The following SERINC5 variants were observed in gnomAD, a reference collection of about 807,000 sequenced individuals.
SERINC5 encodes the protein serine incorporator 5, also known as chromosome 5 open reading frame 12.
A neutral mutation model predicts 63.1 loss-of-function variants in SERINC5; 41 were observed. The observed-to-expected ratio is 0.65, with a 90% CI of 0.51 to 0.84. The LOEUF (loss-of-function observed/expected upper bound fraction) is 0.84, where lower values mean the gene tolerates loss of function less well. SERINC5 is among the 40% of genes least tolerant of loss of function. The pLI is 0.00. For missense variants in SERINC5, 523 were observed against 573.0 expected, an observed-to-expected ratio of 0.91 and a Z score of 0.89; for synonymous variants, 222 against 215.2, an observed-to-expected ratio of 1.03 and a Z score of -0.28.
intron 1 of SERINC5, among the ~76,000 whole-genome samples, chr5:80,221,601 G>GT (rs1750909871): frequency 6.6e-6 from 1 of 152,048 alleles, no homozygotes; most frequent in Admixed American, 6.6e-5. Context: ...TGTTTTCAAG[G>GT]TTTAACATTA....
At chr5:80,252,463 T>C (rs761952921) in intron 1 of SERINC5, among the ~76,000 whole-genome samples, 22 of 152,186 alleles carry the variant, frequency 1.4e-4, no homozygotes, top group Non-Finnish European at 2.1e-4. Flanking sequence ...ACCGTGTCTC[T>C]AGGGGCCTAG....
chr5:80,155,381 A>G (rs1176230225), intron 8 of SERINC5, among the ~76,000 whole-genome samples: 1 of 152,168 alleles, frequency 6.6e-6, no homozygotes, highest in African/African-American at 2.4e-5. Context: ...CCTGACCAAC[A>G]TGGTGAAACC....
intron 1 of SERINC5, among the ~76,000 whole-genome samples, chr5:80,207,464 A>G (rs1421659659): frequency 6.6e-6 from 1 of 152,240 alleles, no homozygotes; most frequent in East Asian, 1.9e-4. Context: ...ATAAACAGAT[A>G]CAAACATCAC....
intron 7 of SERINC5, among the ~76,000 whole-genome samples, chr5:80,165,071 C>T (rs770971361): frequency 3.3e-5 from 5 of 151,258 alleles, no homozygotes; most frequent in Admixed American, 6.6e-5. Context: ...GGGATACCTG[C>T]CATTTAAAAA....
At chr5:80,113,415 T>C (rs1388752815) in intron 12 of SERINC5, among the ~76,000 whole-genome samples, 2 of 152,172 alleles carry the variant, frequency 1.3e-5, no homozygotes, top group African/African-American at 4.8e-5. Flanking sequence ...GCCATTCATG[T>C]TTCTTCTGTG....
intron 11 of SERINC5, among the ~76,000 whole-genome samples, chr5:80,125,890 G>GA (rs1046416565): frequency 2.6e-5 from 4 of 152,274 alleles, no homozygotes; most frequent in Middle Eastern, 3.4e-3. Context: ...AAGCAAGATC[G>GA]AGAGAGAAAT....
chr5:80,243,508 G>C (rs921365780), intron 1 of SERINC5, among the ~76,000 whole-genome samples: 10 of 151,934 alleles, frequency 6.6e-5, no homozygotes, highest in African/African-American at 2.4e-4. Flanking sequence ...ACACTGAAGA[G>C]GGGCATTAAA....
intron 1 of SERINC5, among the ~76,000 whole-genome samples, chr5:80,231,203 C>T (rs34765704): frequency 0.07 from 10,597 of 152,142 alleles, 492 homozygotes; most frequent in East Asian, 0.16. Context: ...CTATAGAAAA[C>T]CCAATCAAAA....
At chr5:80,179,999 CTTTTCTCAAGTTTATGGCCATCTGTTTT>C (rs528186571) in intron 2 of SERINC5, among the ~76,000 whole-genome samples, 18 of 152,236 alleles carry the variant, frequency 1.2e-4, no homozygotes, top group Non-Finnish European at 2.2e-4. Context: ...GATTCAGCAT[CTTTTCTCAAGTTTATGGCCATCTGTTTT>C]TTTTCTCTGA....
In SERINC5 at chr5:80,139,596, A is replaced by AAGAGAGAGAGGGAG. The variant is rs1554058830; in HGVS notation, c.*4066_*4067insCTCCCTCTCTCTCT. 1 of 892,000 alleles carries AAGAGAGAGAGGGAG rather than the reference A, an allele frequency of 1.1e-6. No homozygotes were observed. The highest frequency in any genetic ancestry group is 1.3e-6 in the Non-Finnish European group (1 of 747,556). 55.3% of individuals were successfully genotyped at this position (892,000 alleles called of 1,614,324 possible). On this transcript the variant is annotated 3_prime_UTR_variant, in exon 12 of 12. Transcript: ENST00000507668. Reference sequence around the variant, plus strand: ...TGAAAGAGTTGTTGAGAAAGAAGAAAAGAGAGAGAGAGAGAAAGGTCTAAA... The same window carrying AAGAGAGAGAGGGAG: ...TGAAAGAGTTGTTGAGAAAGAAGAAAAGAGAGAGAGGGAGAGAGAGAGAGAGAGAAAGGTCTAAA...
At position 80,139,875 on chromosome 5, in the gene SERINC5, G is replaced by T; in HGVS notation, c.*3788C>A. On this transcript the variant is annotated 3_prime_UTR_variant, in exon 12 of 12. Transcript: ENST00000507668. ...AGGTTGGGCCCTCTTTCGTTTCCAA[G>T]AGGTATAGGACACTAGAGTACACCA... is the stretch of plus-strand genomic sequence containing the variant. 1.0e-6 allele frequency: 1 copy of T among 985,380 alleles called. No individual in the cohort carries two copies. Among genetic ancestry groups the T allele is most frequent in the Non-Finnish European group, 1.2e-6 (1 of 829,936 alleles). The allele number at this position is 985,380 out of a possible 1,614,324, so 61.0% of individuals were successfully genotyped here.
At chr5:80,228,281 AGGG>A (rs1561441415) in intron 1 of SERINC5, among the ~76,000 whole-genome samples, 1 of 53,266 alleles carries the variant, frequency 1.9e-5, no homozygotes, top group African/African-American at 8.1e-5. Flanking sequence ...GGAGGGAGGG[AGGG>A]AGGGAAAGGA....
intron 1 of SERINC5, among the ~76,000 whole-genome samples, chr5:80,253,853 C>G (rs1752531343): frequency 6.6e-6 from 1 of 152,166 alleles, no homozygotes; most frequent in Admixed American, 6.6e-5. Context: ...ATAGCAGGCT[C>G]CTGGCAAAAG....
chr5:80,131,160 G>A (rs556206557), intron 11 of SERINC5, among the ~76,000 whole-genome samples: 28 of 152,146 alleles, frequency 1.8e-4, no homozygotes, highest in African/African-American at 5.5e-4. Flanking sequence ...CATGTGTCAT[G>A]GGGGGGACCT....
intron 1 of SERINC5, among the ~76,000 whole-genome samples, chr5:80,208,273 G>C (rs1750264865): frequency 6.6e-6 from 1 of 151,816 alleles, no homozygotes; most frequent in African/African-American, 2.4e-5. Context: ...TCTGGTGGGA[G>C]GAGCTGATAA....
At chr5:80,151,006 G>A (rs1746148244) in intron 8 of SERINC5, 58 bp from the exon 9 acceptor site, 1 of 1,305,482 alleles carries the variant, frequency 7.7e-7, no homozygotes, top group Admixed American at 1.7e-5. Context: ...CACATGGAAT[G>A]AAGGGGAAAG....
At chr5:80,186,170 CTT>C (rs1748792282) in intron 2 of SERINC5, among the ~76,000 whole-genome samples, 2 of 134,570 alleles carry the variant, frequency 1.5e-5, no homozygotes, top group African/African-American at 2.7e-5. Context: ...GAGTTTCACT[CTT>C]GTCGCCCAGG....
chr5:80,197,147 G>C (rs62364028), intron 2 of SERINC5, among the ~76,000 whole-genome samples: 21 of 151,890 alleles, frequency 1.4e-4, no homozygotes, highest in Non-Finnish European at 2.5e-4. Flanking sequence ...TCAGGAGTTC[G>C]AGACCAGCCT....
chr5:80,199,984 A>C (rs754543988), intron 2 of SERINC5, among the ~76,000 whole-genome samples: 14 of 152,368 alleles, frequency 9.2e-5, no homozygotes, highest in Non-Finnish European at 1.2e-4. Flanking sequence ...AATAAGAGTT[A>C]AAATCTACGC....
Sources: gnomAD v4.1 joint callset for allele counts (sites outside exome capture counted in the v4.1 genomes callset) on GRCh38, gnomAD v4.1.1 for gene constraint, MANE v1.5 for transcripts, NCBI Gene and HGNC (gene_info 2026-07-23, HGNC 2026-07-21) for gene names.